The following NCAPG variants were observed in gnomAD, a reference collection of about 807,000 sequenced individuals.
The protein encoded by NCAPG is non-SMC condensin I complex subunit G.
NCAPG carries 69 observed loss-of-function variants against 113.1 expected under a neutral mutation model. The ratio of observed to expected loss-of-function variants is 0.61; its 90% CI spans 0.50 to 0.75. NCAPG has a LOEUF of 0.75. NCAPG is among the 30% of genes least tolerant of loss of function. NCAPG has a pLI of 0.00. For missense variants in NCAPG, 1,058 were observed against 1,177.0 expected (o/e 0.90, Z 1.48); for synonymous variants, 370 against 415.8 (o/e 0.89, Z 1.34).
chr4:17,814,498 C>T (rs986628664), intron 3 of NCAPG, among the ~76,000 whole-genome samples: 1 of 152,214 alleles, frequency 6.6e-6, no homozygotes, highest in Non-Finnish European at 1.5e-5. Flanking sequence ...GATGGGTTCT[C>T]ACTCGGGCTG....
chr4:17,813,700 CT>C (rs898236767), intron 3 of NCAPG, among the ~76,000 whole-genome samples: 2 of 151,660 alleles, frequency 1.3e-5, no homozygotes, highest in South Asian at 2.1e-4. Context: ...TTTGGGGTAT[CT>C]TTTTTTTGAA....
Position 17,840,621 on chromosome 4 carries a change from GTA to G in NCAPG, c.2788_2789del (p.Met930AspfsTer20). The part of the protein sequence containing the change: ...FQNEDEKNKE[V>X]YMTPLRGVKA... ...CCCTTTAATAGAAAAGAATAAAGAA[GTA>G]TATATGACTCCACTCAGGGGTGTAA... On this transcript the variant is annotated frameshift_variant, in exon 19 of 21. Transcript: ENST00000251496. LOFTEE classifies it high-confidence loss of function. 1.3e-6 allele frequency: 2 copies of G among 1,516,464 alleles called. No homozygotes were observed. The highest frequency in any genetic ancestry group is 1.8e-6 in the Non-Finnish European group (2 of 1,132,430). 93.9% of individuals were successfully genotyped at this position (1,516,464 alleles called of 1,614,324 possible). A position where few individuals can be genotyped will look rare whatever the true frequency, so the allele number is the denominator to read the frequency against.
At position 17,811,172 on chromosome 4, in the gene NCAPG, GCCGCACCTA is replaced by G; in HGVS notation, c.102_110del (p.Tyr35_Thr37del). The G allele has an allele frequency of 2.7e-6, 4 of 1,496,350 alleles. No homozygotes were observed. Among genetic ancestry groups the G allele is most frequent in the Non-Finnish European group, 3.6e-6 (4 of 1,119,262 alleles). 92.7% of individuals were successfully genotyped at this position (1,496,350 alleles called of 1,614,324 possible). On this transcript the variant is annotated inframe_deletion, in exon 1 of 21. Transcript: ENST00000251496. The surrounding 1 kb of genome is among the most constrained non-coding windows in gnomAD (Gnocchi z 5.3). ...CAGGCGAAGCTGGTGGTGGCGCTGA[GCCGCACCTA>G]CCGCACGGTAAGCGCTCCCGGCCCC...
intron 19 of NCAPG, chr4:17,841,809 C>T (rs1722433545): frequency 6.6e-6 from 1 of 152,350 alleles, no homozygotes; most frequent in East Asian, 1.9e-4. Context: ...TATTTTAGAA[C>T]ACATTTGAAT....
At chr4:17,815,120 A>G (rs1721150208) in intron 4 of NCAPG, 122 bp downstream of exon 4, 2 of 1,359,656 alleles carry the variant, frequency 1.5e-6, no homozygotes, top group Non-Finnish European at 2.0e-6. Context: ...TATGGAGAAC[A>G]CAGGTAATTT....
intron 5 of NCAPG, among the ~76,000 whole-genome samples, chr4:17,815,623 C>G (rs1171139877): frequency 6.6e-6 from 1 of 152,202 alleles, no homozygotes; most frequent in Non-Finnish European, 1.5e-5. Flanking sequence ...CTTCTAGTTT[C>G]AAGCGATTCT....
intron 7 of NCAPG, among the ~76,000 whole-genome samples, chr4:17,820,536 A>G (rs1035514939): frequency 6.6e-6 from 1 of 152,124 alleles, no homozygotes; most frequent in Non-Finnish European, 1.5e-5. Flanking sequence ...TGGGAGGTGG[A>G]GCTTGCAATG....
chr4:17,834,491 C>T lies in NCAPG; in HGVS notation c.2077C>T (p.Leu693=), dbSNP rs773525266. 12 of 1,595,532 alleles carry T rather than the reference C, an allele frequency of 7.5e-6. No homozygotes were observed. The highest frequency in any genetic ancestry group is 9.4e-6 in the Non-Finnish European group (11 of 1,171,474). ...AGAGACTGCTACAGCTAAGAATGTT[C>T]TGAAACTCCTTTCTGATTTCTTAGA... is the stretch of plus-strand genomic sequence containing the variant. ...VEETATAKNV[L]KLLSDFLDSE... Residue 693 remains leucine, a synonymous_variant, in exon 14 of 21, where the codon CTG becomes TTG. Coordinates refer to ENST00000251496, the MANE Select transcript of NCAPG (RefSeq NM_022346.5).
chr4:17,835,674 T>C (rs1722066604), intron 14 of NCAPG, among the ~76,000 whole-genome samples: 1 of 152,214 alleles, frequency 6.6e-6, no homozygotes, highest in South Asian at 2.1e-4. Context: ...CGCAGTCTGT[T>C]TCTATGGATT....
At chr4:17,841,082 T>C (rs1488251833) in intron 19 of NCAPG, 4 of 152,676 alleles carry the variant, frequency 2.6e-5, no homozygotes, top group African/African-American at 9.6e-5. Context: ...TCTATTCCCA[T>C]CTTATTTCAT....
chr4:17,821,941 T>C (rs192704806), intron 7 of NCAPG, among the ~76,000 whole-genome samples: 75 of 152,252 alleles, frequency 4.9e-4, no homozygotes, highest in Non-Finnish European at 9.3e-4. Flanking sequence ...GTGAGGATTA[T>C]AAAGGGCTTT....
rs572082719 is a variant in NCAPG at position 17,834,741 on chromosome 4, C to G, written c.2109+218C>G. ...CCTAACGCTATCCCTCCCCTACCCC[C>G]CTATCCCCTGATAGGTCCCAGTGTG... On this transcript the variant is annotated intron_variant, in intron 14 of 20. Transcript: ENST00000251496. 3.3e-5 allele frequency among the ~76,000 whole-genome samples: 5 copies of G among 152,262 alleles called. No individual in the cohort carries two copies. The South Asian group carries it at 6.2e-4, about 19-fold the overall frequency.
chr4:17,820,436 C>A (rs1450350964), intron 7 of NCAPG, among the ~76,000 whole-genome samples: 1 of 151,864 alleles, frequency 6.6e-6, no homozygotes, highest in East Asian at 1.9e-4. Flanking sequence ...CCCGTCTCTA[C>A]TAAAAATACA....
At chr4:17,840,520 G>A in intron 18 of NCAPG, 87 bp from the exon 19 acceptor site, 1 of 814,464 alleles carries the variant, frequency 1.2e-6, no homozygotes, top group Non-Finnish European at 1.7e-6. Context: ...TGTCATTTCA[G>A]TTTTATAAAA....
At chr4:17,817,227 C>G (rs1291646649) in intron 5 of NCAPG, 34 bp from the exon 6 acceptor site, 3 of 1,508,114 alleles carry the variant, frequency 2.0e-6, no homozygotes, top group African/African-American at 2.8e-5. Flanking sequence ...CTAGAGGGAG[C>G]CTTTGTTCAC....
At position 17,823,036 on chromosome 4, in the gene NCAPG, A is replaced by T; in HGVS notation, c.1172A>T (p.Tyr391Phe). ...VNEEHRGDFS[Y>F]IGNLMTKEFI... Reference sequence around the variant, plus strand: ...GAAGAACACAGAGGTGATTTTTCCTATATTGGAAATTTGATGACAAAAGAA... The same window carrying T: ...GAAGAACACAGAGGTGATTTTTCCTTTATTGGAAATTTGATGACAAAAGAA... Residue 391 changes from tyrosine to phenylalanine, a missense_variant, in exon 8 of 21, where the codon TAT becomes TTT. Transcript: ENST00000251496. 1 of 1,608,960 alleles carries T rather than the reference A, an allele frequency of 6.2e-7. No individual in the cohort carries two copies. Among genetic ancestry groups the T allele is most frequent in the Non-Finnish European group, 8.5e-7 (1 of 1,177,890 alleles).
Position 17,812,402 on chromosome 4 carries a change from A to C in NCAPG, c.293A>C (p.Tyr98Ser). Residue 98 changes from tyrosine to serine, a missense_variant, in exon 2 of 21, where the codon TAT (tyrosine) becomes TCT (serine). Tyr to Ser is a moderately radical substitution (Grantham distance 144). Transcript: ENST00000251496. ...GAGGAAGATGGTGGCCTTTTAAATT[A>C]TTTGTTTACTTTTCTCTTAAAGGTA... Reference protein sequence around the residue: ...EEEEDGGLLNYLFTFLLKSHE... With the variant: ...EEEEDGGLLNSLFTFLLKSHE... 6.2e-7 allele frequency: 1 copy of C among 1,613,458 alleles called. No homozygotes were observed. Among genetic ancestry groups the C allele is most frequent in the Non-Finnish European group, 8.5e-7 (1 of 1,179,606 alleles).
In NCAPG at chr4:17,842,372, T is replaced by C. The variant is rs1219220575; in HGVS notation, c.2917T>C (p.Ser973Pro). 1.9e-6 allele frequency: 3 copies of C among 1,611,634 alleles called. No individual in the cohort carries two copies. Among genetic ancestry groups the C allele is most frequent in the Non-Finnish European group, 2.5e-6 (3 of 1,178,160 alleles). The stretch of plus-strand genomic sequence containing the variant: ...GAGGTGTCAGACTGCTGAAGCCGAC[T>C]CTGAAAGGTATGTCATGCATGTCTA... Reference protein sequence around the residue: ...NRRCQTAEADSESDHEVPEPE... With the variant: ...NRRCQTAEADPESDHEVPEPE... The change falls in exon 20 of 21, where the codon TCT (serine) becomes CCT (proline). Residue 973 changes from serine to proline, a missense_variant. Transcript: ENST00000251496.
At chr4:17,817,534 A>G (rs1230146952) in intron 6 of NCAPG, 81 bp downstream of exon 6, 1 of 1,075,480 alleles carries the variant, frequency 9.3e-7, no homozygotes. Context: ...CCCATAGCTT[A>G]AGATTATATT....
Sources: gnomAD v4.1 joint callset for allele counts (sites outside exome capture counted in the v4.1 genomes callset) on GRCh38, gnomAD v4.1.1 for gene constraint, Gnocchi (gnomAD v3.1) non-coding constraint, MANE v1.5 for transcripts, NCBI Gene and HGNC (gene_info 2026-07-23, HGNC 2026-07-21) for gene names.